REV3L: variants seen among roughly 807,000 people sequenced by gnomAD.
REV3L encodes REV3 like, DNA directed polymerase zeta catalytic subunit, also known as DNA polymerase zeta catalytic subunit.
A neutral mutation model predicts 299.4 loss-of-function variants in REV3L; 69 were observed. The ratio of observed to expected loss-of-function variants is 0.23; its 90% CI spans 0.19 to 0.28. The LOEUF (loss-of-function observed/expected upper bound fraction) is 0.28. Ranked by LOEUF, REV3L falls within the 10% of genes least tolerant of loss-of-function variation. The pLI, the probability that REV3L is intolerant of heterozygous loss-of-function variation, is 1.00. For synonymous variants in REV3L, 1,238 were observed against 1,271.4 expected (o/e 0.97, Z 0.56); for missense variants, 3,128 against 3,693.8 (o/e 0.85, Z 3.97).
chr6:111,441,119 T>C (rs1205759444), intron 1 of REV3L, among the ~76,000 whole-genome samples: 2 of 152,264 alleles, frequency 1.3e-5, no homozygotes, highest in African/African-American at 2.4e-5. Flanking sequence ...AAATATTTAT[T>C]TTGTTCTTCT....
intron 1 of REV3L, among the ~76,000 whole-genome samples, chr6:111,446,367 C>T (rs1788833787): frequency 6.6e-6 from 1 of 152,126 alleles, no homozygotes; most frequent in Admixed American, 6.5e-5. Flanking sequence ...AAATTAGGAA[C>T]ATCCCAACAA....
chr6:111,425,630 CA>C (rs946700869), intron 1 of REV3L, among the ~76,000 whole-genome samples: 1 of 151,848 alleles, frequency 6.6e-6, no homozygotes, highest in African/African-American at 2.4e-5. Context: ...ATAAAACACA[CA>C]AACAGGCAAA....
At position 111,343,968 on chromosome 6, in the gene REV3L, G is replaced by A. The variant is rs867721482; in HGVS notation, c.7495C>T (p.Arg2499Ter). Residue 2499 changes from arginine (R) to a stop codon, truncating the protein, a stop_gained, in exon 21 of 32, where the codon CGA (arginine) becomes TGA (stop). Coordinates refer to ENST00000368802, the MANE Select transcript of REV3L (RefSeq NM_001372078.1). LOFTEE classifies it high-confidence loss of function. The stretch of plus-strand genomic sequence containing the variant: ...TTATCAAACCAGTCTGACAAGACTC[G>A]AAAGGTAAAGAGGGGAAAACGCTGA... ...LHQRFPLFTF[R>*]VLSDWFDNKT... 4 of 1,613,240 alleles carry A rather than the reference G, an allele frequency of 2.5e-6. No individual in the cohort carries two copies. Among genetic ancestry groups the A allele is most frequent in the African/African-American group, 1.3e-5 (1 of 74,932 alleles).
chr6:111,408,632 C>CAA (rs975768616), intron 3 of REV3L, among the ~76,000 whole-genome samples: 1 of 151,600 alleles, frequency 6.6e-6, no homozygotes, highest in Non-Finnish European at 1.5e-5. Flanking sequence ...CAAAACAAAA[C>CAA]AAAACAAAAC....
intron 28 of REV3L, chr6:111,313,070 G>A: frequency 3.7e-6 from 1 of 271,752 alleles, no homozygotes; most frequent in East Asian, 6.7e-5. Context: ...GGCTGAGGCA[G>A]AAAGATTGCT....
chr6:111,415,398 T>TAA (rs1333182525), intron 2 of REV3L, among the ~76,000 whole-genome samples: 1 of 152,144 alleles, frequency 6.6e-6, no homozygotes, highest in Non-Finnish European at 1.5e-5. Context: ...AGTCATAGGG[T>TAA]AAGAGTAGCC....
chr6:111,449,400 G>A (rs1194167649), intron 1 of REV3L, among the ~76,000 whole-genome samples: 1 of 85,004 alleles, frequency 1.2e-5, no homozygotes, highest in East Asian at 2.5e-4. Flanking sequence ...GAAGAGAACT[G>A]CAGAGACAGA....
Position 111,365,333 on chromosome 6 carries a change from G to C in REV3L, c.6685C>G (p.Gln2229Glu). ...LSPLSTEPKTQKLSNKKGSNT... is the reference protein window; with the variant it reads ...LSPLSTEPKTEKLSNKKGSNT... Reference sequence around the variant, plus strand: ...CTTCCTTTCTTATTACTCAACTTCTGTGTTTTTGGTTCTGTAGAAAGAAAT... The same window carrying C: ...CTTCCTTTCTTATTACTCAACTTCTCTGTTTTTGGTTCTGTAGAAAGAAAT... Residue 2229 changes from glutamine (Q) to glutamate (E), a missense_variant, in exon 15 of 32, where the codon CAG (glutamine) becomes GAG (glutamate). Around this residue, in one of 9 missense-constraint regions of REV3L, gnomAD observed 2,409 missense variants for 2,611.8 expected, o/e 0.92. Transcript: ENST00000368802. 1 of 1,563,138 alleles carries C rather than the reference G, an allele frequency of 6.4e-7. No individual in the cohort carries two copies. Among genetic ancestry groups the C allele is most frequent in the Non-Finnish European group, 8.7e-7 (1 of 1,153,580 alleles).
At chr6:111,431,751 G>A (rs1450520858) in intron 1 of REV3L, 12 of 776,374 alleles carry the variant, frequency 1.5e-5, no homozygotes, top group Admixed American at 3.7e-5. Context: ...CTAAAAAGAC[G>A]AATGTTGCTG....
chr6:111,300,290 A>G (rs1214569855), intron 31 of REV3L, 134 bp from the exon 32 acceptor site: 1 of 611,902 alleles, frequency 1.6e-6, no homozygotes, highest in African/African-American at 1.9e-5. Context: ...AACTTTCATT[A>G]ATTTTAATCT....
chr6:111,457,543 T>C (rs1373174922), intron 1 of REV3L, among the ~76,000 whole-genome samples: 1 of 151,784 alleles, frequency 6.6e-6, no homozygotes, highest in African/African-American at 2.4e-5. Flanking sequence ...AAGAAGCCTA[T>C]GTCTCTAAAA....
At chr6:111,477,159 C>T (rs1793041919) in intron 1 of REV3L, among the ~76,000 whole-genome samples, 1 of 152,144 alleles carries the variant, frequency 6.6e-6, no homozygotes, top group Non-Finnish European at 1.5e-5. Flanking sequence ...ATGAATATAC[C>T]CAGTTTATGC....
At chr6:111,339,737 G>A (rs559117604) in intron 21 of REV3L, among the ~76,000 whole-genome samples, 252 of 152,220 alleles carry the variant, frequency 1.7e-3, no homozygotes, top group Non-Finnish European at 2.7e-3. Flanking sequence ...ATGTATTTTA[G>A]ACTTTTTAAT....
intron 22 of REV3L, among the ~76,000 whole-genome samples, chr6:111,334,722 A>C (rs924139408): frequency 1.3e-5 from 2 of 152,202 alleles, no homozygotes; most frequent in African/African-American, 4.8e-5. Context: ...GATGGGTATA[A>C]ATAAAATAAA....
intron 21 of REV3L, among the ~76,000 whole-genome samples, 197 bp downstream of exon 21, chr6:111,343,728 C>T (rs2114904799): frequency 6.6e-6 from 1 of 152,236 alleles, no homozygotes; most frequent in East Asian, 1.9e-4. Flanking sequence ...TGGGGTTTCA[C>T]CATGTTGGCC....
chr6:111,441,958 G>C (rs1213820231), intron 1 of REV3L, among the ~76,000 whole-genome samples: 1 of 152,170 alleles, frequency 6.6e-6, no homozygotes, highest in African/African-American at 2.4e-5. Flanking sequence ...GTGTCCCGGG[G>C]GTGTGACCGT....
At chr6:111,396,748 T>C (rs1041488191) in intron 4 of REV3L, among the ~76,000 whole-genome samples, 21 of 152,194 alleles carry the variant, frequency 1.4e-4, no homozygotes, top group South Asian at 2.1e-4. Context: ...CAGGCTGGTC[T>C]TGACCTCCTG....
chr6:111,470,656 A>G (rs762157807), intron 1 of REV3L, among the ~76,000 whole-genome samples: 1 of 152,214 alleles, frequency 6.6e-6, no homozygotes, highest in Non-Finnish European at 1.5e-5. Context: ...ATTAATTTGG[A>G]TATCTTTCTA....
In REV3L at chr6:111,319,468, GAAA is replaced by G. The variant is rs79693743; in HGVS notation, c.8351+3098_8351+3100del. Among the ~76,000 whole-genome samples, 11 of 138,838 alleles carry G rather than the reference GAAA, an allele frequency of 7.9e-5. 1 individual carries two copies. In the South Asian group the frequency reaches 2.5e-3, roughly 32 times the overall value. 91.1% of individuals were successfully genotyped at this position (138,838 alleles called of 152,430 possible). Reference sequence around the variant, plus strand: ...GCGGCAGAGCGAGATTCTGTCTCAGGAAAAAAAAAAAAAAGTTTCTGCTAGGTT... The same window carrying G: ...GCGGCAGAGCGAGATTCTGTCTCAGGAAAAAAAAAAAGTTTCTGCTAGGTT... On this transcript the variant is annotated intron_variant, in intron 26 of 31. Transcript: ENST00000368802.
Sources: gnomAD v4.1 joint callset for allele counts (sites outside exome capture counted in the v4.1 genomes callset) on GRCh38, gnomAD v4.1.1 for gene constraint, gnomAD v4.1.1 regional missense constraint, MANE v1.5 for transcripts, NCBI Gene and HGNC (gene_info 2026-07-23, HGNC 2026-07-21) for gene names.